Variants in GBF1 observed in about 807,000 individuals in gnomAD.
GBF1 encodes golgi brefeldin A resistant guanine nucleotide exchange factor 1.
GBF1 carries 114 observed loss-of-function variants against 210.5 expected under a neutral mutation model. The observed-to-expected ratio is 0.54, with a 90% confidence interval of 0.47 to 0.63. The LOEUF is 0.63. GBF1 is among the 30% of genes least tolerant of loss of function. The pLI is 0.00. For synonymous variants in GBF1, 850 were observed against 889.2 expected, an observed-to-expected ratio of 0.96 and a Z score of 0.78; for missense variants, 1,851 against 2,357.7, an observed-to-expected ratio of 0.79 and a Z score of 4.45.
chr10:102,233,091 C>A, the GBF1 span, among the ~76,000 whole-genome samples: 1 of 151,968 alleles, frequency 6.6e-6, no homozygotes, highest in Non-Finnish European at 1.5e-5. Flanking sequence ...TCTTTGTTTG[C>A]TTTTTATTTT....
chr10:102,264,910 A>G (rs946860413), intron 3 of GBF1, among the ~76,000 whole-genome samples: 1 of 152,218 alleles, frequency 6.6e-6, no homozygotes, highest in Non-Finnish European at 1.5e-5. Flanking sequence ...ACATCTGCCC[A>G]AGCCCTGCCA....
intron 5 of GBF1, among the ~76,000 whole-genome samples, 184 bp from the exon 6 acceptor site, chr10:102,351,659 C>G (rs1316437289): frequency 6.6e-6 from 1 of 152,164 alleles, no homozygotes; most frequent in Non-Finnish European, 1.5e-5. Context: ...TGGGCTAGGG[C>G]TAGAATCAGT....
chr10:102,302,968 T>A (rs900732845), intron 3 of GBF1, among the ~76,000 whole-genome samples: 7 of 151,528 alleles, frequency 4.6e-5, no homozygotes, highest in Non-Finnish European at 8.8e-5. Flanking sequence ...TACATTTAGA[T>A]CTTTGATCCA....
chr10:102,259,296 T>C (rs1422241673), intron 2 of GBF1, among the ~76,000 whole-genome samples: 1 of 152,214 alleles, frequency 6.6e-6, no homozygotes, highest in Non-Finnish European at 1.5e-5. Flanking sequence ...GGGACCTCTT[T>C]AGTATGCCTA....
the GBF1 span, among the ~76,000 whole-genome samples, chr10:102,233,541 T>C: frequency 6.6e-6 from 1 of 152,132 alleles, no homozygotes; most frequent in Middle Eastern, 3.2e-3. Context: ...TCATCGCAGG[T>C]GATCTGCCTG....
At chr10:102,344,478 GTT>G (rs975410361) in intron 4 of GBF1, among the ~76,000 whole-genome samples, 1 of 152,000 alleles carries the variant, frequency 6.6e-6, no homozygotes, top group Non-Finnish European at 1.5e-5. Context: ...TTGTTTGTTT[GTT>G]TGTTTGTTTG....
At chr10:102,284,232 T>A (rs1247691641) in intron 3 of GBF1, among the ~76,000 whole-genome samples, 2 of 152,126 alleles carry the variant, frequency 1.3e-5, no homozygotes, top group Non-Finnish European at 2.9e-5. Context: ...GATAAGAGGA[T>A]CTTTACTTGT....
intron 3 of GBF1, among the ~76,000 whole-genome samples, chr10:102,300,362 A>G (rs767775300): frequency 1.1e-4 from 17 of 152,282 alleles, no homozygotes; most frequent in Admixed American, 2.0e-4. Flanking sequence ...TCTGGATTAG[A>G]CAGTGATAGC....
intron 3 of GBF1, among the ~76,000 whole-genome samples, chr10:102,297,197 G>C (rs567258105): frequency 6.6e-6 from 1 of 152,260 alleles, no homozygotes; most frequent in Admixed American, 6.5e-5. Context: ...GCTGTGTGTG[G>C]GCTTTAACAT....
the GBF1 span, among the ~76,000 whole-genome samples, chr10:102,240,202 G>A: frequency 6.6e-6 from 1 of 152,244 alleles, no homozygotes; most frequent in African/African-American, 2.4e-5. Flanking sequence ...GAGGCTGCCA[G>A]GGGCTTGTAC....
At chr10:102,367,293 A>G (rs990339856) in intron 20 of GBF1, 83 bp downstream of exon 20, 28 of 1,430,520 alleles carry the variant, frequency 2.0e-5, no homozygotes, top group Non-Finnish European at 2.3e-5. Flanking sequence ...TCCAGTGGGC[A>G]TGATGGATGG....
At position 102,260,473 on chromosome 10, in the gene GBF1, CTTCTTTTTTTTT is replaced by C. The variant is rs982241310; in HGVS notation, c.163+360_163+371del. Among the ~76,000 whole-genome samples, 6 of 74,788 alleles carry C rather than the reference CTTCTTTTTTTTT, an allele frequency of 8.0e-5. No individual in the cohort carries two copies. The South Asian group carries it at 1.5e-3, about 19-fold the overall frequency. The allele number at this position is 74,788 out of a possible 152,430, so 49.1% of individuals were successfully genotyped here. A position where few individuals can be genotyped will look rare whatever the true frequency, so the allele number is the denominator to read the frequency against. ...CTGTGCCTGGCCTATATTTTCCTTTCTTCTTTTTTTTTTTTTTTTTTTTTTTGAGGTAGAGTC... is the reference window on the plus strand; with the variant it reads ...CTGTGCCTGGCCTATATTTTCCTTTCTTTTTTTTTTTTTTGAGGTAGAGTC... On this transcript the variant is annotated intron_variant, in intron 3 of 39. Coordinates refer to ENST00000369983, the MANE Select transcript of GBF1 (RefSeq NM_001377137.1).
chr10:102,359,138 AAACCACT>A, intron 10 of GBF1, 122 bp from the exon 11 acceptor site: 1 of 694,750 alleles, frequency 1.4e-6, no homozygotes, highest in South Asian at 1.6e-5. Flanking sequence ...GGTGATTCAT[AAACCACT>A]GAGTTGGCCC....
At chr10:102,235,157 T>G in the GBF1 span, among the ~76,000 whole-genome samples, 1 of 141,744 alleles carries the variant, frequency 7.1e-6, no homozygotes, top group African/African-American at 2.7e-5. Flanking sequence ...AGCTAGCCAT[T>G]ATTACCCTTC....
chr10:102,371,503 T>C (rs925760287), intron 29 of GBF1, among the ~76,000 whole-genome samples: 1 of 152,200 alleles, frequency 6.6e-6, no homozygotes, highest in Non-Finnish European at 1.5e-5. Context: ...TCTCCCCAAA[T>C]TGATCTGTAA....
chr10:102,376,843 A>C, intron 32 of GBF1, 43 bp downstream of exon 32: 3 of 1,609,716 alleles, frequency 1.9e-6, no homozygotes, highest in Non-Finnish European at 2.5e-6. Context: ...TAGCCATGCA[A>C]TTATGCAGGG....
At chr10:102,255,082 C>T (rs374831013) in intron 1 of GBF1, among the ~76,000 whole-genome samples, 15 of 152,246 alleles carry the variant, frequency 9.9e-5, no homozygotes, top group African/African-American at 3.6e-4. Flanking sequence ...ACTCTGTTGC[C>T]CAGGTTGGAA....
rs1176716773 is a variant in GBF1 at position 102,382,633 on chromosome 10, G to A, written c.*297G>A. On this transcript the variant is annotated 3_prime_UTR_variant, in exon 40 of 40. Transcript: ENST00000369983. ...GCTCTGGGGAGGCATCCGTGTGCCGGCCCTGCAGTGCCTGCCCACGGTCAG... is the reference window on the plus strand; with the variant it reads ...GCTCTGGGGAGGCATCCGTGTGCCGACCCTGCAGTGCCTGCCCACGGTCAG... The A allele has an allele frequency of 5.6e-6, 2 of 358,192 alleles. No homozygotes were observed. The highest frequency in any genetic ancestry group is 1.0e-5 in the Non-Finnish European group (2 of 198,226). The allele number at this position is 358,192 out of a possible 1,614,324, so 22.2% of individuals were successfully genotyped here.
At chr10:102,269,962 T>C (rs2074236913) in intron 3 of GBF1, among the ~76,000 whole-genome samples, 1 of 151,744 alleles carries the variant, frequency 6.6e-6, no homozygotes, top group Non-Finnish European at 1.5e-5. Flanking sequence ...CACTGCCAGC[T>C]CTGCCTTCCG....
Sources: gnomAD v4.1 joint callset for allele counts (sites outside exome capture counted in the v4.1 genomes callset) on GRCh38, gnomAD v4.1.1 for gene constraint, MANE v1.5 for transcripts, NCBI Gene and HGNC (gene_info 2026-07-23, HGNC 2026-07-21) for gene names.